The following CDK17 variants were observed in gnomAD, a reference collection of about 807,000 sequenced individuals.
CDK17 encodes the protein cyclin-dependent kinase 17.
Under a neutral mutation model 77.6 loss-of-function variants are expected in CDK17, and 24 were observed. The observed-to-expected ratio is 0.31, with a 90% confidence interval of 0.22 to 0.44. The LOEUF (loss-of-function observed/expected upper bound fraction) is 0.44, where lower values mean the gene tolerates loss of function less well. Among genes scored for constraint, CDK17 ranks in the 20% least tolerant of loss-of-function variants. The pLI, the probability that CDK17 is intolerant of heterozygous loss-of-function variation, is 1.00. For missense variants in CDK17, 429 were observed against 622.5 expected, an observed-to-expected ratio of 0.69 and a Z score of 3.31; for synonymous variants, 203 against 210.4, an observed-to-expected ratio of 0.96 and a Z score of 0.30.
chr12:96,396,416 T>C (rs1057178779), intron 1 of CDK17, among the ~76,000 whole-genome samples: 1 of 152,206 alleles, frequency 6.6e-6, no homozygotes, highest in Non-Finnish European at 1.5e-5. Flanking sequence ...ATTGCCAACA[T>C]TGTAGATTGA....
intron 1 of CDK17, among the ~76,000 whole-genome samples, chr12:96,335,463 C>T (rs1565824760): frequency 6.6e-6 from 1 of 152,164 alleles, no homozygotes; most frequent in Non-Finnish European, 1.5e-5. Context: ...GCCAAATTAG[C>T]GGGTACTGAA....
At chr12:96,393,695 C>G (rs1954113680) in intron 1 of CDK17, among the ~76,000 whole-genome samples, 1 of 152,164 alleles carries the variant, frequency 6.6e-6, no homozygotes, top group African/African-American at 2.4e-5. Context: ...GATCACACCA[C>G]TGCAATCAAC....
At chr12:96,394,420 G>T (rs924475664) in intron 1 of CDK17, among the ~76,000 whole-genome samples, 6 of 152,044 alleles carry the variant, frequency 3.9e-5, no homozygotes, top group African/African-American at 1.4e-4. Context: ...ATTATCTTTG[G>T]GTCCTTTTCC....
At chr12:96,364,174 T>G (rs922665033) in intron 1 of CDK17, among the ~76,000 whole-genome samples, 5 of 152,228 alleles carry the variant, frequency 3.3e-5, no homozygotes, top group African/African-American at 1.2e-4. Context: ...TAACAAACAT[T>G]GGGTTGTTTT....
intron 1 of CDK17, among the ~76,000 whole-genome samples, chr12:96,348,523 C>CAAAAAAAAAA (rs35363324): frequency 1.2e-4 from 8 of 66,368 alleles, no homozygotes; most frequent in Admixed American, 3.6e-4. Flanking sequence ...GACTCTGTCT[C>CAAAAAAAAAA]AAAAAAAAAA....
At chr12:96,393,178 G>A (rs1339756916) in intron 1 of CDK17, among the ~76,000 whole-genome samples, 2 of 150,354 alleles carry the variant, frequency 1.3e-5, no homozygotes, top group African/African-American at 2.5e-5. Context: ...GCCTGGCCAA[G>A]ATAGTGAAAC....
At chr12:96,322,718 T>C (rs949829808) in intron 3 of CDK17, among the ~76,000 whole-genome samples, 10 of 152,230 alleles carry the variant, frequency 6.6e-5, no homozygotes, top group Non-Finnish European at 1.3e-4. Flanking sequence ...AGATAATAGT[T>C]AAAAGTGGTA....
At chr12:96,298,761 A>T in intron 7 of CDK17, 108 bp downstream of exon 7, 2 of 590,310 alleles carry the variant, frequency 3.4e-6, no homozygotes, top group South Asian at 2.7e-5. Flanking sequence ...AGGTTTAATT[A>T]CATCTTCCAG....
intron 1 of CDK17, among the ~76,000 whole-genome samples, chr12:96,364,003 G>A (rs1198857435): frequency 6.6e-6 from 1 of 152,134 alleles, no homozygotes; most frequent in Non-Finnish European, 1.5e-5. Flanking sequence ...CACATAAACT[G>A]GATCACATAA....
chr12:96,290,614 A>C (rs1460130577), intron 10 of CDK17, among the ~76,000 whole-genome samples: 1 of 152,242 alleles, frequency 6.6e-6, no homozygotes, highest in Non-Finnish European at 1.5e-5. Flanking sequence ...TTGGTGAAGT[A>C]AGTCCAACAA....
At chr12:96,326,652 C>T (rs1416475766) in intron 2 of CDK17, among the ~76,000 whole-genome samples, 1 of 152,226 alleles carries the variant, frequency 6.6e-6, no homozygotes, top group African/African-American at 2.4e-5. Flanking sequence ...CACCCACAGA[C>T]TTCCTGGTTC....
intron 1 of CDK17, among the ~76,000 whole-genome samples, chr12:96,381,986 A>G (rs1279755645): frequency 6.6e-6 from 1 of 152,172 alleles, no homozygotes; most frequent in Non-Finnish European, 1.5e-5. Flanking sequence ...TTAGATAATT[A>G]TATCACTAAA....
At chr12:96,289,660 C>T (rs1047097844) in intron 10 of CDK17, among the ~76,000 whole-genome samples, 14 of 152,180 alleles carry the variant, frequency 9.2e-5, no homozygotes, top group African/African-American at 3.4e-4. Context: ...CATTGAGATA[C>T]ACAATTTTAC....
At position 96,362,401 on chromosome 12, in the gene CDK17, T is replaced by C. The variant is rs1214780579; in HGVS notation, c.-29-27536A>G. Among the ~76,000 whole-genome samples, 16 of 152,174 alleles carry C rather than the reference T, an allele frequency of 1.1e-4. No individual in the cohort carries two copies. In the South Asian group the frequency reaches 3.3e-3, roughly 32 times the overall value. On this transcript the variant is annotated intron_variant, in intron 1 of 16. Transcript: ENST00000261211. ...GCCTGGCTAATTTTTCTATTTTTAG[T>C]AGAGACGGAGTTTTACCACATTGGC...
intron 11 of CDK17, among the ~76,000 whole-genome samples, chr12:96,287,037 T>C (rs1446076692): frequency 6.6e-6 from 1 of 152,216 alleles, no homozygotes; most frequent in Non-Finnish European, 1.5e-5. Flanking sequence ...GACTGAAGAT[T>C]TACTATGTGT....
chr12:96,305,858 T>C (rs1952570258), intron 5 of CDK17, among the ~76,000 whole-genome samples: 1 of 152,258 alleles, frequency 6.6e-6, no homozygotes, highest in South Asian at 2.1e-4. Context: ...TAGCTGGGAC[T>C]ACAAAGGTGT....
At chr12:96,317,987 A>G (rs1316995099) in intron 3 of CDK17, among the ~76,000 whole-genome samples, 4 of 152,082 alleles carry the variant, frequency 2.6e-5, no homozygotes, top group South Asian at 2.1e-4. Flanking sequence ...TTCTCCAATT[A>G]AAAGACACAG....
intron 12 of CDK17, 52 bp from the exon 13 acceptor site, chr12:96,286,200 A>C: frequency 2.1e-6 from 1 of 465,964 alleles, no homozygotes; most frequent in Non-Finnish European, 3.3e-6. Context: ...TAAAATTTAT[A>C]TATAAAAATT....
chr12:96,394,046 G>C (rs1191063483), intron 1 of CDK17, among the ~76,000 whole-genome samples: 1 of 151,890 alleles, frequency 6.6e-6, no homozygotes, highest in Non-Finnish European at 1.5e-5. Flanking sequence ...AGGAGCTCAA[G>C]ACCAGCCTGG....
Sources: allele counts gnomAD v4.1 joint callset (sites outside exome capture counted in the v4.1 genomes callset), GRCh38; gene constraint gnomAD v4.1.1; transcripts MANE v1.5; gene names NCBI Gene and HGNC (gene_info 2026-07-23, HGNC 2026-07-21).